Variants in KANK4 observed in about 807,000 individuals in gnomAD.
The protein encoded by KANK4 is KN motif and ankyrin repeat domain-containing protein 4.
A neutral mutation model predicts 80.8 loss-of-function variants in KANK4; 50 were observed. The observed-to-expected ratio is 0.62, with a 90% confidence interval of 0.49 to 0.78. KANK4 has a LOEUF of 0.78. Among genes scored for constraint, KANK4 ranks in the 30% least tolerant of loss-of-function variants. The pLI, the probability that KANK4 is intolerant of heterozygous loss-of-function variation, is 0.00. For synonymous variants in KANK4, 465 were observed against 506.9 expected, an observed-to-expected ratio of 0.92 and a Z score of 1.11; for missense variants, 1,196 against 1,240.1, an observed-to-expected ratio of 0.96 and a Z score of 0.53.
chr1:62,268,286 C>T lies in KANK4; in HGVS notation c.2231+1G>A, dbSNP rs1407234686. ...GCCCGCGTTTGTGTCCATTTGCTCA[C>T]CTCTCGGCCTTGGAGTGGGGGACTT... On this transcript the variant is annotated splice_donor_variant, in intron 5 of 9. Coordinates refer to ENST00000371153, the MANE Select transcript of KANK4 (RefSeq NM_181712.5). LOFTEE classifies it high-confidence loss of function. 1 of 1,590,398 alleles carries T rather than the reference C, an allele frequency of 6.3e-7. No homozygotes were observed. The highest frequency in any genetic ancestry group is 2.2e-5 in the East Asian group (1 of 44,886).
chr1:62,313,893 T>C (rs1255408954), intron 1 of KANK4, among the ~76,000 whole-genome samples: 5 of 152,074 alleles, frequency 3.3e-5, no homozygotes, highest in Admixed American at 2.0e-4. Flanking sequence ...AATTTAAACA[T>C]TGATAAAATG....
chr1:62,273,860 T>C lies in KANK4; in HGVS notation c.1244A>G (p.Asn415Ser). ...CAAGAGTCCATGGACAGGGTCAGTG[T>C]TCACCATCACGTCCGTCTGGCCCTG... ...DTQGQTDVMV[N>S]TDPVHGLLTR... is the part of the protein sequence containing the mutation. The change falls in exon 3 of 10, where the codon AAC (asparagine) becomes AGC (serine). Residue 415 changes from asparagine (N) to serine (S), a missense_variant. Physicochemically the swap from Asn to Ser is conservative, Grantham distance 46. Coordinates refer to ENST00000371153, the MANE Select transcript of KANK4 (RefSeq NM_181712.5). The C allele has an allele frequency of 1.2e-6, 2 of 1,614,192 alleles. No homozygotes were observed. The highest frequency in any genetic ancestry group is 1.7e-6 in the Non-Finnish European group (2 of 1,180,040).
chr1:62,247,498 C>T lies in KANK4; in HGVS notation c.2857G>A (p.Ala953Thr). 6.2e-7 allele frequency: 1 copy of T among 1,613,988 alleles called. No homozygotes were observed. The highest frequency in any genetic ancestry group is 1.1e-5 in the South Asian group (1 of 91,074). Residue 953 changes from alanine (A) to threonine (T), a missense_variant, in exon 9 of 10, where the codon GCC (alanine) becomes ACC (threonine). Ala to Thr is a moderately conservative substitution (Grantham distance 58, BLOSUM62 0). Transcript: ENST00000371153. ...DLVRLLLAHP[A>T]CDSSLTDKAG... ...TTGTCAGTCAGGCTGCTGTCGCAGG[C>T]TGGGTGTGCCAGGAGCAGCCGCACC... is the stretch of plus-strand genomic sequence containing the variant.
chr1:62,296,695 G>A (rs1392133482), intron 1 of KANK4, among the ~76,000 whole-genome samples: 1 of 151,916 alleles, frequency 6.6e-6, no homozygotes, highest in Admixed American at 6.6e-5. Context: ...GGGACTACAG[G>A]TGCACACCAC....
In KANK4 at chr1:62,247,667, G is replaced by T; in HGVS notation, c.2688C>A (p.Gly896=). 1.2e-6 allele frequency: 2 copies of T among 1,613,258 alleles called. No homozygotes were observed. The highest frequency in any genetic ancestry group is 1.7e-4 in the Middle Eastern group (1 of 5,934). ...TGACTCCCAGCATCAGCGCAGTCTG[G>T]CCTCCCTGCATGCAGAGCCACAGGG... ...GNVNIQATQG[G]QTALMLGVSH... The change falls in exon 9 of 10, where the codon GGC becomes GGA. Residue 896 remains glycine (G), a synonymous_variant. Transcript: ENST00000371153.
intron 1 of KANK4, among the ~76,000 whole-genome samples, chr1:62,290,732 T>C (rs2149160159): frequency 6.9e-6 from 1 of 145,584 alleles, no homozygotes; most frequent in East Asian, 2.1e-4. Flanking sequence ...TCAGAGACTG[T>C]CAGAGCTGGA....
chr1:62,268,535 T>C, intron 4 of KANK4, 30 bp from the exon 5 acceptor site: 1 of 1,582,306 alleles, frequency 6.3e-7, no homozygotes, highest in African/African-American at 1.3e-5. Flanking sequence ...TCACTCGTCC[T>C]GTCTTTCCTG....
intron 1 of KANK4, among the ~76,000 whole-genome samples, chr1:62,290,377 G>A (rs981753654): frequency 1.3e-5 from 2 of 152,150 alleles, no homozygotes; most frequent in South Asian, 4.1e-4. Flanking sequence ...CCATTTCCAG[G>A]TGGCTGGATC....
At chr1:62,241,139 A>G (rs1033318118) in intron 9 of KANK4, among the ~76,000 whole-genome samples, 2 of 151,738 alleles carry the variant, frequency 1.3e-5, no homozygotes, top group African/African-American at 4.8e-5. Context: ...CAGGAAGTGT[A>G]GGAAGTGTAA....
At chr1:62,250,235 G>C (rs112116932) in intron 8 of KANK4, among the ~76,000 whole-genome samples, 1 of 150,910 alleles carries the variant, frequency 6.6e-6, no homozygotes. Flanking sequence ...TGATCAGCCC[G>C]CCTCGGCCTC....
chr1:62,294,676 C>T (rs1644346403), intron 1 of KANK4, among the ~76,000 whole-genome samples: 1 of 152,204 alleles, frequency 6.6e-6, no homozygotes, highest in South Asian at 2.1e-4. Context: ...CCAGATTTTT[C>T]AGGCGGGAAA....
intron 9 of KANK4, among the ~76,000 whole-genome samples, chr1:62,243,363 G>C (rs1312649678): frequency 6.7e-6 from 1 of 149,462 alleles, no homozygotes; most frequent in African/African-American, 2.5e-5. Flanking sequence ...TTTTGAGACA[G>C]AGTTTTGTTC....
chr1:62,282,413 T>C (rs1475495124), intron 1 of KANK4, among the ~76,000 whole-genome samples: 2 of 152,138 alleles, frequency 1.3e-5, no homozygotes, highest in African/African-American at 4.8e-5. Flanking sequence ...TAACTCCACA[T>C]ACATCAGAAT....
At chr1:62,317,681 C>G (rs957641538) in intron 1 of KANK4, among the ~76,000 whole-genome samples, 1 of 152,230 alleles carries the variant, frequency 6.6e-6, no homozygotes, top group Non-Finnish European at 1.5e-5. Flanking sequence ...TCCTGTCATT[C>G]TGCAGACTGA....
chr1:62,246,733 G>A (rs1280161604), intron 9 of KANK4, among the ~76,000 whole-genome samples: 1 of 151,638 alleles, frequency 6.6e-6, no homozygotes, highest in Admixed American at 6.6e-5. Context: ...GAGTAGCTGG[G>A]ATTACAGGCG....
Position 62,313,881 on chromosome 1 carries a change from T to A in KANK4, c.-71+5225A>T, listed in dbSNP as rs531797447. On this transcript the variant is annotated intron_variant, in intron 1 of 9. Transcript: ENST00000371153. ...AAAAGTAAAATAATAAATTTTTTTT[T>A]AAATTTAAACATTGATAAAATGCCC... Among the ~76,000 whole-genome samples the A allele has an allele frequency of 1.2e-4, 18 of 152,134 alleles. No individual in the cohort carries two copies. The South Asian group carries it at 1.3e-3, about 11-fold the overall frequency.
chr1:62,271,662 C>T, intron 3 of KANK4, 73 bp from the exon 4 acceptor site: 1 of 1,094,644 alleles, frequency 9.1e-7, no homozygotes, highest in Non-Finnish European at 1.4e-6. Flanking sequence ...CAGGATATTG[C>T]TTTGAGGGGA....
intron 7 of KANK4, among the ~76,000 whole-genome samples, chr1:62,260,417 C>T (rs1671857291): frequency 6.6e-6 from 1 of 152,010 alleles, no homozygotes; most frequent in African/African-American, 2.4e-5. Context: ...TCTCTCATTC[C>T]CTGTCTCTGT....
At position 62,268,382 on chromosome 1, in the gene KANK4, G is replaced by A. The variant is rs537763153; in HGVS notation, c.2136C>T (p.Leu712=). Residue 712 remains leucine (L), a synonymous_variant, in exon 5 of 10, where the codon CTC becomes CTT. Coordinates refer to ENST00000371153, the MANE Select transcript of KANK4 (RefSeq NM_181712.5). Reference sequence around the variant, plus strand: ...GGATGCCCTGCCCAGCCTCGCAGGTGAGATGGGCATCTTTGACATGCTTGT... The same window carrying A: ...GGATGCCCTGCCCAGCCTCGCAGGTAAGATGGGCATCTTTGACATGCTTGT... ...PDHKHVKDAH[L]TCEAGQGIPE... 3.1e-6 allele frequency: 5 copies of A among 1,614,092 alleles called. No homozygotes were observed. Among genetic ancestry groups the A allele is most frequent in the Admixed American group, 3.3e-5 (2 of 60,022 alleles).
Sources: allele counts gnomAD v4.1 joint callset (sites outside exome capture counted in the v4.1 genomes callset), GRCh38; gene constraint gnomAD v4.1.1; transcripts MANE v1.5; gene names NCBI Gene and HGNC (gene_info 2026-07-23, HGNC 2026-07-21).